The following PARD3 variants were observed in gnomAD, a reference collection of about 807,000 sequenced individuals.
PARD3 encodes partitioning defective 3 homolog.
Under a neutral mutation model 155.4 loss-of-function variants are expected in PARD3, and 75 were observed. That is an observed-to-expected ratio of 0.48 (90% CI 0.40 to 0.58). The LOEUF is 0.58. PARD3 is among the 20% of genes least tolerant of loss of function. The probability of loss-of-function intolerance (pLI) is 0.00; values close to 1 mark genes in which losing one functional copy is unlikely to be tolerated. For synonymous variants in PARD3, 576 were observed against 610.5 expected, an observed-to-expected ratio of 0.94 and a Z score of 0.83; for missense variants, 1,642 against 1,721.7, an observed-to-expected ratio of 0.95 and a Z score of 0.82.
At chr10:34,803,218 AAC>A (rs201105878) in intron 1 of PARD3, among the ~76,000 whole-genome samples, 2,534 of 149,436 alleles carry the variant, frequency 0.017, 62 homozygotes, top group African/African-American at 0.059. Context: ...CAGCCTGGGC[AAC>A]AGAGTGAGAC....
intron 1 of PARD3, among the ~76,000 whole-genome samples, chr10:34,729,799 C>G (rs1052995217): frequency 9.2e-5 from 14 of 152,128 alleles, no homozygotes; most frequent in African/African-American, 3.1e-4. Context: ...GTAATCTGAC[C>G]ATGGTCCAAG....
chr10:34,501,298 A>G (rs1397386129), intron 3 of PARD3, among the ~76,000 whole-genome samples: 2 of 152,068 alleles, frequency 1.3e-5, no homozygotes, highest in Admixed American at 1.3e-4. Context: ...TGATCATTTA[A>G]AAGTGTGTGT....
chr10:34,631,383 T>C (rs2092262813), intron 2 of PARD3, among the ~76,000 whole-genome samples: 1 of 152,038 alleles, frequency 6.6e-6, no homozygotes, highest in African/African-American at 2.4e-5. Context: ...AAAAACATTC[T>C]CAAGGCCAAG....
At chr10:34,421,033 A>G (rs1362153557) in intron 5 of PARD3, among the ~76,000 whole-genome samples, 2 of 152,090 alleles carry the variant, frequency 1.3e-5, no homozygotes, top group Non-Finnish European at 2.9e-5. Context: ...AAATCAGCCA[A>G]GCATGGTGGT....
chr10:34,757,495 A>G (rs1464018700), intron 1 of PARD3, among the ~76,000 whole-genome samples: 4 of 152,146 alleles, frequency 2.6e-5, no homozygotes, highest in Non-Finnish European at 4.4e-5. Context: ...ACTTGAGGCC[A>G]GGAGTTCGAG....
intron 24 of PARD3, among the ~76,000 whole-genome samples, chr10:34,112,195 A>C (rs1278042116): frequency 1.6e-4 from 24 of 152,192 alleles, no homozygotes. Context: ...GCTCATCCAG[A>C]TTGGACGGAG....
At chr10:34,218,819 G>A in intron 22 of PARD3, among the ~76,000 whole-genome samples, 1 of 151,204 alleles carries the variant, frequency 6.6e-6, no homozygotes, top group Admixed American at 6.6e-5. Context: ...TGGGGTGGGG[G>A]ATGCAAAACC....
intron 22 of PARD3, among the ~76,000 whole-genome samples, chr10:34,208,673 T>C (rs1413357718): frequency 1.3e-5 from 2 of 152,144 alleles, no homozygotes; most frequent in Non-Finnish European, 2.9e-5. Flanking sequence ...GAACTGCTCA[T>C]GCAGGGTGAG....
chr10:34,627,445 ATTAAG>A (rs2092037091), intron 2 of PARD3, among the ~76,000 whole-genome samples: 1 of 152,172 alleles, frequency 6.6e-6, no homozygotes, highest in Non-Finnish European at 1.5e-5. Flanking sequence ...TATTGGATTA[ATTAAG>A]TTAAAATGAG....
At chr10:34,530,992 T>C (rs1292642648) in intron 2 of PARD3, among the ~76,000 whole-genome samples, 4 of 152,220 alleles carry the variant, frequency 2.6e-5, no homozygotes, top group African/African-American at 4.8e-5. Context: ...AAAGTATCAA[T>C]AGAACAATCT....
intron 22 of PARD3, among the ~76,000 whole-genome samples, chr10:34,261,710 AAGG>A (rs1276491819): frequency 4.0e-3 from 68 of 17,086 alleles, no homozygotes; most frequent in African/African-American, 0.015. Flanking sequence ...GGAAGAAAGG[AAGG>A]AAGAAAGGAA....
intron 3 of PARD3, among the ~76,000 whole-genome samples, chr10:34,479,559 T>C (rs772542894): frequency 2.6e-5 from 4 of 152,158 alleles, no homozygotes; most frequent in Non-Finnish European, 4.4e-5. Flanking sequence ...TTAGGGTACC[T>C]TCCTAACATT....
chr10:34,161,730 G>A (rs932141353), intron 22 of PARD3, among the ~76,000 whole-genome samples: 4 of 152,130 alleles, frequency 2.6e-5, no homozygotes, highest in African/African-American at 7.2e-5. Context: ...TTCAAGACAC[G>A]AACATTCCTC....
intron 2 of PARD3, among the ~76,000 whole-genome samples, chr10:34,564,551 T>C (rs780684431): frequency 2.6e-5 from 4 of 152,212 alleles, no homozygotes; most frequent in Non-Finnish European, 5.9e-5. Flanking sequence ...ATGTGTGTGA[T>C]GGAGCTGCTG....
intron 5 of PARD3, among the ~76,000 whole-genome samples, chr10:34,412,684 C>T (rs1845213756): frequency 1.3e-5 from 2 of 152,112 alleles, no homozygotes; most frequent in Admixed American, 1.3e-4. Context: ...CACAGTTTGG[C>T]CCAATTATGT....
intron 24 of PARD3, among the ~76,000 whole-genome samples, chr10:34,117,477 G>A (rs1272554192): frequency 6.6e-6 from 1 of 152,290 alleles, no homozygotes; most frequent in Non-Finnish European, 1.5e-5. Context: ...TGGGGGATAG[G>A]GTGGATTTTA....
At chr10:34,346,530 G>A in intron 15 of PARD3, 1 of 1,278,442 alleles carries the variant, frequency 7.8e-7, no homozygotes, top group Non-Finnish European at 1.0e-6. Context: ...TCTCTCTCAA[G>A]GGGACTGAAA....
At chr10:34,470,986 T>C (rs1433389717) in intron 3 of PARD3, among the ~76,000 whole-genome samples, 2 of 152,192 alleles carry the variant, frequency 1.3e-5, no homozygotes, top group South Asian at 2.1e-4. Flanking sequence ...ATATTCTCCG[T>C]AAATACATAA....
rs58731858 is a variant in PARD3, at chr10:34,337,265, T to C, written c.2560+10A>G. 1.1e-3 allele frequency: 1,698 copies of C among 1,539,608 alleles called. 18 individuals are homozygous for C. In the African/African-American group the frequency reaches 0.021, roughly 19 times the overall value. ...TTATTTAGATAAAGATTCATGGAGA[T>C]TGTACTCACTACCTAAATCCATGCT... On this transcript the variant is annotated intron_variant, in intron 17 of 24. Transcript: ENST00000374788.
Sources: gnomAD v4.1 joint callset for allele counts (sites outside exome capture counted in the v4.1 genomes callset) on GRCh38, gnomAD v4.1.1 for gene constraint, MANE v1.5 for transcripts, NCBI Gene and HGNC (gene_info 2026-07-23, HGNC 2026-07-21) for gene names.